The following DPYSL5 variants were observed in gnomAD, a reference collection of about 807,000 sequenced individuals.
The protein encoded by DPYSL5 is dihydropyrimidinase-related protein 5.
In DPYSL5, 9 loss-of-function variants were observed where a neutral mutation model predicts 58.4. The ratio of observed to expected loss-of-function variants is 0.15; its 90% CI spans 0.09 to 0.27. The LOEUF is 0.27. Ranked by LOEUF, DPYSL5 falls within the 10% of genes least tolerant of loss-of-function variation. The pLI is 1.00. For missense variants in DPYSL5, 499 were observed against 770.6 expected (o/e 0.65, Z 4.17); for synonymous variants, 293 against 301.9 (o/e 0.97, Z 0.31).
chr2:26,929,451 C>T (rs757341761), intron 5 of DPYSL5, among the ~76,000 whole-genome samples: 4 of 152,126 alleles, frequency 2.6e-5, no homozygotes, highest in Non-Finnish European at 5.9e-5. Context: ...AGGCTGGTTT[C>T]GAACTCCTGA....
At chr2:26,872,189 A>G (rs993337481) in intron 1 of DPYSL5, among the ~76,000 whole-genome samples, 1 of 152,198 alleles carries the variant, frequency 6.6e-6, no homozygotes, top group Non-Finnish European at 1.5e-5. Flanking sequence ...GAGAGCAGGG[A>G]GCATGAGTCT....
intron 1 of DPYSL5, among the ~76,000 whole-genome samples, chr2:26,873,722 G>C (rs1037027389): frequency 1.1e-4 from 16 of 152,144 alleles, no homozygotes; most frequent in African/African-American, 3.9e-4. Context: ...CAAATCAAAA[G>C]AAAAAGAATA....
chr2:26,910,616 C>CTTTTTTTTTTTTTTT (rs34929540), intron 2 of DPYSL5, among the ~76,000 whole-genome samples: 11 of 118,496 alleles, frequency 9.3e-5, no homozygotes, highest in Non-Finnish European at 1.2e-4. Context: ...TCTTCTTCTT[C>CTTTTTTTTTTTTTTT]TTTTTTTTTT....
At position 26,934,862 on chromosome 2, in the gene DPYSL5, C is replaced by G; in HGVS notation, c.947+128C>G. 7.8e-7 allele frequency: 1 copy of G among 1,287,598 alleles called. No homozygotes were observed. The highest frequency in any genetic ancestry group is 1.4e-5 in the South Asian group (1 of 73,060). 79.8% of individuals were successfully genotyped at this position (1,287,598 alleles called of 1,614,324 possible). A position where few individuals can be genotyped will look rare whatever the true frequency, so the allele number is the denominator to read the frequency against. ...CCATAGGATCATTGTGCTTTTCTTA[C>G]CTTCTCTGAGCCCATCAGATAATTG... On this transcript the variant is annotated intron_variant, in intron 8 of 12. Transcript: ENST00000288699. This position sits in a 1 kb window ranked among gnomAD's most constrained non-coding sequence, Gnocchi z 4.3.
intron 1 of DPYSL5, among the ~76,000 whole-genome samples, chr2:26,874,578 A>G (rs1202506347): frequency 6.6e-6 from 1 of 152,248 alleles, no homozygotes; most frequent in Non-Finnish European, 1.5e-5. Context: ...CCACATATTC[A>G]TCTATCTTAC....
At chr2:26,920,020 AT>A (rs1034748978) in intron 2 of DPYSL5, among the ~76,000 whole-genome samples, 19 of 152,284 alleles carry the variant, frequency 1.2e-4, no homozygotes, top group African/African-American at 3.1e-4. Context: ...TATTTGTATA[AT>A]TTTTTTAATT....
chr2:26,859,281 G>A (rs956344215), intron 1 of DPYSL5, among the ~76,000 whole-genome samples: 11 of 151,330 alleles, frequency 7.3e-5, no homozygotes, highest in Non-Finnish European at 1.2e-4. Context: ...ATCCTCATTC[G>A]TATCTTTGTG....
chr2:26,869,883 C>CGCCT (rs1663213841), intron 1 of DPYSL5, among the ~76,000 whole-genome samples: 1 of 152,076 alleles, frequency 6.6e-6, no homozygotes, highest in African/African-American at 2.4e-5. Flanking sequence ...TGGTCACAGG[C>CGCCT]GCCTGTAGTC....
Position 26,927,193 on chromosome 2 carries a change from G to C in DPYSL5, c.421-60G>C. 2.6e-6 allele frequency: 4 copies of C among 1,534,450 alleles called. No homozygotes were observed. The Admixed American group carries it at 5.8e-5, about 22-fold the overall frequency. On this transcript the variant is annotated intron_variant, in intron 3 of 12. Coordinates refer to ENST00000288699, the MANE Select transcript of DPYSL5 (RefSeq NM_020134.4). The surrounding 1 kb of genome is among the most constrained non-coding windows in gnomAD (Gnocchi z 4.3). ...TCTCCCCCATGCTGGGCCGGTGCCTGCCAGTCGGCCTCTTGGGTGTCTGCC... is the reference window on the plus strand; with the variant it reads ...TCTCCCCCATGCTGGGCCGGTGCCTCCCAGTCGGCCTCTTGGGTGTCTGCC...
intron 1 of DPYSL5, among the ~76,000 whole-genome samples, chr2:26,864,760 C>A (rs1249670069): frequency 6.6e-6 from 1 of 152,146 alleles, no homozygotes; most frequent in Non-Finnish European, 1.5e-5. Context: ...ACTTGGCTGG[C>A]CTGTGAGAGC....
chr2:26,939,924 T>G, intron 8 of DPYSL5, 107 bp from the exon 9 acceptor site: 1 of 1,469,524 alleles, frequency 6.8e-7, no homozygotes, highest in Middle Eastern at 1.8e-4. Flanking sequence ...GAAATTGGAG[T>G]CGGCTTTGCC....
chr2:26,877,428 C>G lies in DPYSL5; in HGVS notation c.-4-21068C>G, dbSNP rs1195823470. On this transcript the variant is annotated intron_variant, in intron 1 of 12. Transcript: ENST00000288699. This position sits in a 1 kb window ranked among gnomAD's most constrained non-coding sequence, Gnocchi z 4.1. ...ACATGTAACTCATGGATGCAGGGGA[C>G]GCACATTGTCTGCATTCCTGTTTTC... is the stretch of plus-strand genomic sequence containing the variant. 2.0e-5 allele frequency among the ~76,000 whole-genome samples: 3 copies of G among 152,038 alleles called. No homozygotes were observed. The highest frequency in any genetic ancestry group is 3.9e-4 in the East Asian group (2 of 5,192).
At chr2:26,888,204 C>CTT (rs1352132731) in intron 1 of DPYSL5, among the ~76,000 whole-genome samples, 77 of 131,580 alleles carry the variant, frequency 5.9e-4, no homozygotes, top group African/African-American at 2.4e-3. Context: ...CCTTCCTTCC[C>CTT]TTTCTTTTCT....
intron 1 of DPYSL5, among the ~76,000 whole-genome samples, chr2:26,857,314 A>G (rs556303263): frequency 5.1e-4 from 78 of 152,348 alleles, no homozygotes; most frequent in South Asian, 3.9e-3. Context: ...AGGTGGACAG[A>G]TCACCTGAGG....
At chr2:26,872,763 C>G (rs907745588) in intron 1 of DPYSL5, among the ~76,000 whole-genome samples, 16 of 151,042 alleles carry the variant, frequency 1.1e-4, no homozygotes, top group Non-Finnish European at 4.4e-5. Flanking sequence ...GAGCCAAGAT[C>G]ATGCAACTGC....
rs143828804 is a variant in DPYSL5 at position 26,928,687 on chromosome 2, G to GTGTATATATATATATATATA, written c.669+365_669+366insGTATATATATATATATATAT. Among the ~76,000 whole-genome samples the GTGTATATATATATATATATA allele has an allele frequency of 4.0e-3, 241 of 60,612 alleles. 47 individuals carry two copies. Among genetic ancestry groups the GTGTATATATATATATATATA allele is most frequent in the Middle Eastern group, 9.6e-3 (1 of 104 alleles). 39.8% of individuals were successfully genotyped at this position (60,612 alleles called of 152,430 possible). A position where few individuals can be genotyped will look rare whatever the true frequency, so the allele number is the denominator to read the frequency against. ...ACTGCAATCCAGCCAAGGTGATAGA[G>GTGTATATATATATATATATA]TATATATATATATATATACACACAC... On this transcript the variant is annotated intron_variant, in intron 5 of 12. Coordinates refer to ENST00000288699, the MANE Select transcript of DPYSL5 (RefSeq NM_020134.4).
At chr2:26,868,329 A>T (rs943978843) in intron 1 of DPYSL5, among the ~76,000 whole-genome samples, 8 of 152,238 alleles carry the variant, frequency 5.3e-5, no homozygotes, top group African/African-American at 1.9e-4. Context: ...ATAAAAATTT[A>T]AACATTTTTA....
intron 1 of DPYSL5, among the ~76,000 whole-genome samples, chr2:26,897,187 G>C (rs1481328007): frequency 6.6e-6 from 1 of 152,106 alleles, no homozygotes; most frequent in Non-Finnish European, 1.5e-5. Context: ...TATAGTGCTG[G>C]CTAGAATAAC....
chr2:26,874,072 TAGTGTCTCTTCA>T (rs1195310941), intron 1 of DPYSL5, among the ~76,000 whole-genome samples: 5 of 152,242 alleles, frequency 3.3e-5, no homozygotes, highest in East Asian at 1.9e-4. Flanking sequence ...TAGATACAAA[TAGTGTCTCTTCA>T]AGTGTCTCTT....
Sources: gnomAD v4.1 joint callset for allele counts (sites outside exome capture counted in the v4.1 genomes callset) on GRCh38, gnomAD v4.1.1 for gene constraint, Gnocchi (gnomAD v3.1) non-coding constraint, MANE v1.5 for transcripts, NCBI Gene and HGNC (gene_info 2026-07-23, HGNC 2026-07-21) for gene names.